Variants in FRMPD1 observed in about 807,000 individuals in gnomAD.
FRMPD1 encodes FERM and PDZ domain-containing protein 1.
In FRMPD1, 76 loss-of-function variants were observed where a neutral mutation model predicts 117.8. The observed-to-expected ratio is 0.65, with a 90% CI of 0.54 to 0.78. The LOEUF (loss-of-function observed/expected upper bound fraction) is 0.78, where lower values mean the gene tolerates loss of function less well. FRMPD1 is among the 30% of genes least tolerant of loss of function. FRMPD1 has a pLI of 0.00. For missense variants in FRMPD1, 1,786 were observed against 1,964.5 expected, an observed-to-expected ratio of 0.91 and a Z score of 1.72; for synonymous variants, 783 against 770.4, an observed-to-expected ratio of 1.02 and a Z score of -0.27.
At chr9:37,721,220 C>T (rs1823385696) in intron 6 of FRMPD1, among the ~76,000 whole-genome samples, 2 of 152,210 alleles carry the variant, frequency 1.3e-5, no homozygotes, top group African/African-American at 4.8e-5. Context: ...CTTTGGGAGT[C>T]TGCATCAGCC....
At chr9:37,664,297 G>A (rs545715645) in intron 1 of FRMPD1, among the ~76,000 whole-genome samples, 19 of 144,432 alleles carry the variant, frequency 1.3e-4, no homozygotes, top group Non-Finnish European at 1.8e-4. Context: ...ATGTATGTAT[G>A]TATGTATGTA....
upstream of FRMPD1, among the ~76,000 whole-genome samples, chr9:37,646,848 C>T (rs1824149257): frequency 6.6e-6 from 1 of 152,142 alleles, no homozygotes; most frequent in East Asian, 1.9e-4. Flanking sequence ...AGTCAGCTCT[C>T]AGAAGTATTT....
the FRMPD1 span, among the ~76,000 whole-genome samples, chr9:37,621,569 G>C: frequency 0.22 from 33,716 of 152,072 alleles, 3,994 homozygotes; most frequent in African/African-American, 0.29. Context: ...GCAGTTGGGG[G>C]CCCAGGGGAC....
intron 5 of FRMPD1, among the ~76,000 whole-genome samples, chr9:37,717,381 A>ATTTTT (rs61705193): frequency 5.2e-5 from 6 of 114,344 alleles, no homozygotes; most frequent in East Asian, 2.3e-4. Context: ...ATATATATAT[A>ATTTTT]TTTTTTTTTT....
chr9:37,626,189 A>C, the FRMPD1 span, among the ~76,000 whole-genome samples: 12 of 152,242 alleles, frequency 7.9e-5, no homozygotes, highest in East Asian at 2.3e-3. Flanking sequence ...TTAGCTAGGC[A>C]TGGTGGCACA....
At chr9:37,635,104 T>C in the FRMPD1 span, among the ~76,000 whole-genome samples, 1 of 152,244 alleles carries the variant, frequency 6.6e-6, no homozygotes, top group Non-Finnish European at 1.5e-5. Context: ...TCAGATACTA[T>C]TGAAATTGCC....
chr9:37,692,456 A>G (rs1264083523), intron 1 of FRMPD1, among the ~76,000 whole-genome samples, 182 bp from the exon 2 acceptor site: 1 of 152,204 alleles, frequency 6.6e-6, no homozygotes, highest in African/African-American at 2.4e-5. Flanking sequence ...GAGGGTTGCT[A>G]AAGTTGTTCA....
chr9:37,685,464 A>T lies in FRMPD1; in HGVS notation c.-4-7174A>T, dbSNP rs1010146082. On this transcript the variant is annotated intron_variant, in intron 1 of 15. Transcript: ENST00000377765. ...CGAGACTATCCTGGCTAACACGGTG[A>T]AACCCTGTCTCTACTAAAAATACAA... is the stretch of plus-strand genomic sequence containing the variant. 5.9e-5 allele frequency among the ~76,000 whole-genome samples: 9 copies of T among 152,090 alleles called. No homozygotes were observed. The South Asian group carries it at 1.7e-3, about 28-fold the overall frequency.
chr9:37,657,104 T>C (rs1399775411), intron 1 of FRMPD1, among the ~76,000 whole-genome samples: 4 of 152,260 alleles, frequency 2.6e-5, no homozygotes. Context: ...TTCATCTGGA[T>C]GCAACAGTGC....
At chr9:37,696,684 G>A (rs1199903893) in intron 2 of FRMPD1, among the ~76,000 whole-genome samples, 1 of 152,222 alleles carries the variant, frequency 6.6e-6, no homozygotes. Flanking sequence ...TTTCCTGGTA[G>A]CTGGGGCAAG....
intron 2 of FRMPD1, among the ~76,000 whole-genome samples, chr9:37,697,399 T>TA (rs1029653119): frequency 1.6e-3 from 231 of 144,778 alleles, no homozygotes; most frequent in African/African-American, 3.8e-3. Flanking sequence ...CCGTCTCTGC[T>TA]AAAAAAAAAA....
chr9:37,646,943 G>T (rs540476050), upstream of FRMPD1, among the ~76,000 whole-genome samples: 1 of 152,238 alleles, frequency 6.6e-6, no homozygotes, highest in South Asian at 2.1e-4. Context: ...CATAGAGAAA[G>T]CAAACTTTTA....
intron 9 of FRMPD1, among the ~76,000 whole-genome samples, chr9:37,731,508 G>A (rs144018732): frequency 3.8e-4 from 58 of 152,312 alleles, no homozygotes; most frequent in African/African-American, 1.2e-3. Flanking sequence ...TTCTTGATCC[G>A]TGGCCTGGTG....
intron 6 of FRMPD1, among the ~76,000 whole-genome samples, chr9:37,723,283 G>T (rs947962914): frequency 3.9e-5 from 6 of 152,184 alleles, no homozygotes; most frequent in African/African-American, 1.4e-4. Context: ...TAAGGGTACA[G>T]CCAGCAGTAA....
At chr9:37,723,348 C>T (rs900113445) in intron 6 of FRMPD1, among the ~76,000 whole-genome samples, 13 of 152,274 alleles carry the variant, frequency 8.5e-5, no homozygotes, top group African/African-American at 2.6e-4. Context: ...GCTATCAGTA[C>T]GCTCGTAGAA....
chr9:37,680,574 A>G (rs13284318), intron 1 of FRMPD1, among the ~76,000 whole-genome samples: 76,523 of 151,864 alleles, frequency 0.5, 19,894 homozygotes, highest in Non-Finnish European at 0.58. Context: ...GAGGTCAACC[A>G]TCATTTGGGG....
the FRMPD1 span, among the ~76,000 whole-genome samples, chr9:37,635,586 C>T: frequency 6.6e-6 from 1 of 152,216 alleles, no homozygotes; most frequent in African/African-American, 2.4e-5. Context: ...GGGGGCACCC[C>T]AAGGGGCAGC....
In FRMPD1 at chr9:37,746,578, C is replaced by G. The variant is rs750713986; in HGVS notation, c.4546C>G (p.Arg1516Gly). The change falls in exon 16 of 16, where the codon CGG becomes GGG. Residue 1516 changes from arginine (R) to glycine (G), a missense_variant. Physicochemically the swap from Arg to Gly is moderately radical, Grantham distance 125. Coordinates refer to ENST00000377765, the MANE Select transcript of FRMPD1 (RefSeq NM_014907.3). ...CACAGACTGTAGCCGCTGCTCCGCC[C>G]GGCACAGGGAGGCAGCGGGGAACCT... ...QFTDCSRCSA[R>G]HREAAGNLRD... The G allele has an allele frequency of 6.2e-7, 1 of 1,613,818 alleles. No homozygotes were observed. The highest frequency in any genetic ancestry group is 8.5e-7 in the Non-Finnish European group (1 of 1,179,962).
rs182423885 is a variant in FRMPD1 at position 37,705,070 on chromosome 9, T to C, written c.102-2346T>C. Among the ~76,000 whole-genome samples, 8 of 152,316 alleles carry C rather than the reference T, an allele frequency of 5.3e-5. No homozygotes were observed. The East Asian group carries it at 1.5e-3, about 29-fold the overall frequency. ...TAACACCGAATGTACATTCAGCTAA[T>C]CTGCTTTTAATGAATTGTTTGATCC... On this transcript the variant is annotated intron_variant, in intron 2 of 15. Transcript: ENST00000377765.
Sources: gnomAD v4.1 joint callset for allele counts (sites outside exome capture counted in the v4.1 genomes callset) on GRCh38, gnomAD v4.1.1 for gene constraint, MANE v1.5 for transcripts, NCBI Gene and HGNC (gene_info 2026-07-23, HGNC 2026-07-21) for gene names.